NBEAL1: variants seen among roughly 807,000 people sequenced by gnomAD.
NBEAL1 encodes neurobeachin-like protein 1.
Under a neutral mutation model 351.3 loss-of-function variants are expected in NBEAL1, and 273 were observed. The observed-to-expected ratio is 0.78, with a 90% CI of 0.70 to 0.86. The LOEUF (loss-of-function observed/expected upper bound fraction) is 0.86. Ranked by LOEUF, NBEAL1 falls within the 40% of genes least tolerant of loss-of-function variation. NBEAL1 has a pLI of 0.00. For missense variants in NBEAL1, 2,961 were observed against 3,201.3 expected (o/e 0.92, Z 1.81); for synonymous variants, 1,050 against 1,086.4 (o/e 0.97, Z 0.66).
intron 43 of NBEAL1, chr2:203,182,965 G>A: frequency 5.7e-6 from 1 of 175,788 alleles, no homozygotes; most frequent in South Asian, 1.5e-4. Context: ...TAGAGGGACT[G>A]TGTCCCTCTC....
At chr2:203,121,243 T>A (rs963664081) in intron 18 of NBEAL1, among the ~76,000 whole-genome samples, 1 of 152,222 alleles carries the variant, frequency 6.6e-6, no homozygotes, top group Non-Finnish European at 1.5e-5. Context: ...ATCACACGTT[T>A]TATGTGTATC....
chr2:203,112,937 T>C (rs2062605177), intron 16 of NBEAL1, 78 bp from the exon 17 acceptor site: 2 of 1,240,162 alleles, frequency 1.6e-6, no homozygotes, highest in East Asian at 5.5e-5. Flanking sequence ...TTTTATGTAC[T>C]ATTTTATTGT....
intron 36 of NBEAL1, among the ~76,000 whole-genome samples, 160 bp from the exon 37 acceptor site, chr2:203,165,989 T>C (rs1670271904): frequency 6.6e-6 from 1 of 152,048 alleles, no homozygotes; most frequent in South Asian, 2.1e-4. Flanking sequence ...GTTGCAGTGA[T>C]TGAGCCGACA....
chr2:203,036,819 A>G (rs2106031595), intron 2 of NBEAL1, among the ~76,000 whole-genome samples: 1 of 149,416 alleles, frequency 6.7e-6, no homozygotes, highest in African/African-American at 2.4e-5. Context: ...GTTCCTAAAT[A>G]AAATATGCAT....
At chr2:203,105,424 C>T (rs2106225253) in intron 12 of NBEAL1, among the ~76,000 whole-genome samples, 1 of 151,706 alleles carries the variant, frequency 6.6e-6, no homozygotes, top group African/African-American at 2.4e-5. Flanking sequence ...GAGATCGCGC[C>T]ACTGCACTCC....
At position 203,056,519 on chromosome 2, in the gene NBEAL1, A is replaced by ACTAAT; in HGVS notation, c.387+14_387+18dup. 2 of 1,468,462 alleles carry ACTAAT rather than the reference A, an allele frequency of 1.4e-6. No individual in the cohort carries two copies. Among genetic ancestry groups the ACTAAT allele is most frequent in the Non-Finnish European group, 1.9e-6 (2 of 1,070,970 alleles). 91.0% of individuals were successfully genotyped at this position (1,468,462 alleles called of 1,614,324 possible). On this transcript the variant is annotated intron_variant, in intron 5 of 55. Coordinates refer to ENST00000683969, the MANE Select transcript of NBEAL1 (RefSeq NM_001378026.1). ...CTCTATATTCAGCAAGTAGGTGTGA[A>ACTAAT]CTAATCTTTTTTGTCACTTTACTGA...
At chr2:203,110,674 A>T (rs957894731) in intron 15 of NBEAL1, among the ~76,000 whole-genome samples, 1 of 130,880 alleles carries the variant, frequency 7.6e-6, no homozygotes, top group Non-Finnish European at 1.6e-5. Context: ...ATCCTGTCTC[A>T]AAATAAATAA....
At chr2:203,055,192 A>G (rs1042491084) in intron 4 of NBEAL1, among the ~76,000 whole-genome samples, 3 of 152,136 alleles carry the variant, frequency 2.0e-5, no homozygotes, top group African/African-American at 7.2e-5. Context: ...CAGGGAGAGG[A>G]CTGATCTTAG....
At chr2:203,202,398 A>G (rs1235225907) in intron 50 of NBEAL1, among the ~76,000 whole-genome samples, 1 of 152,194 alleles carries the variant, frequency 6.6e-6, no homozygotes. Context: ...CTGGGGATCT[A>G]TCTCAAACTA....
In NBEAL1 at chr2:203,199,438, C is replaced by T. The variant is rs867405895; in HGVS notation, c.7229C>T (p.Thr2410Ile). The T allele has an allele frequency of 2.6e-6, 4 of 1,567,054 alleles. No individual in the cohort carries two copies. Among genetic ancestry groups the T allele is most frequent in the Non-Finnish European group, 3.5e-6 (4 of 1,141,148 alleles). Residue 2410 changes from threonine (T) to isoleucine (I), a missense_variant, in exon 49 of 56, where the codon ACA becomes ATA. By Grantham distance (89) the Thr-to-Ile change is moderately conservative. Transcript: ENST00000683969. ...ACATTCATCAAGGATCAAACTGTGA[C>T]AAATCCAAAGTAAGTAAATGAATAT... The part of the protein sequence containing the change: ...YFTFIKDQTV[T>I]NPKTQRSING...
intron 23 of NBEAL1, among the ~76,000 whole-genome samples, chr2:203,127,350 G>A (rs566832828): frequency 6.6e-5 from 10 of 152,306 alleles, no homozygotes; most frequent in Non-Finnish European, 1.5e-4. Flanking sequence ...AGAAAAGCAA[G>A]CCAAAGTTAC....
chr2:203,108,574 AT>A (rs892722776), intron 14 of NBEAL1, among the ~76,000 whole-genome samples: 10 of 147,150 alleles, frequency 6.8e-5, no homozygotes, highest in South Asian at 6.5e-4. Flanking sequence ...AATTTTTTGT[AT>A]TTTTTTTTTC....
chr2:203,157,461 T>C (rs1162338695), intron 35 of NBEAL1, among the ~76,000 whole-genome samples: 1 of 152,146 alleles, frequency 6.6e-6, no homozygotes, highest in African/African-American at 2.4e-5. Context: ...AATAATACTG[T>C]TATTAAAAAT....
intron 35 of NBEAL1, among the ~76,000 whole-genome samples, chr2:203,155,604 AT>A (rs1030570458): frequency 6.6e-6 from 1 of 151,834 alleles, no homozygotes; most frequent in Non-Finnish European, 1.5e-5. Context: ...CACCCAGCTA[AT>A]TTTTTAATTT....
At chr2:203,156,770 T>C (rs2063807943) in intron 35 of NBEAL1, among the ~76,000 whole-genome samples, 2 of 152,212 alleles carry the variant, frequency 1.3e-5, no homozygotes, top group Non-Finnish European at 1.5e-5. Flanking sequence ...TTTATAGTTA[T>C]TTGCAGTATT....
chr2:203,130,080 T>A (rs1374758018), intron 24 of NBEAL1, among the ~76,000 whole-genome samples: 2 of 152,122 alleles, frequency 1.3e-5, no homozygotes, highest in Non-Finnish European at 2.9e-5. Context: ...GGAGAATCAC[T>A]GAGCCTGGGA....
intron 34 of NBEAL1, 109 bp downstream of exon 34, chr2:203,149,257 A>G (rs2063588554): frequency 1.4e-6 from 1 of 705,790 alleles, no homozygotes; most frequent in Non-Finnish European, 2.2e-6. Flanking sequence ...TTCAATTCAT[A>G]AAAGGGTGCT....
intron 42 of NBEAL1, among the ~76,000 whole-genome samples, chr2:203,177,348 A>C (rs922494712): frequency 6.6e-6 from 1 of 150,812 alleles, no homozygotes; most frequent in African/African-American, 2.4e-5. Flanking sequence ...CAGCCTGGGC[A>C]ACATAGTGAG....
At chr2:203,018,401 G>T (rs141747663) in intron 2 of NBEAL1, among the ~76,000 whole-genome samples, 1 of 151,786 alleles carries the variant, frequency 6.6e-6, no homozygotes, top group East Asian at 1.9e-4. Flanking sequence ...TCGTAGTTTA[G>T]TTTTGGCTCT....
Sources: allele counts gnomAD v4.1 joint callset (sites outside exome capture counted in the v4.1 genomes callset), GRCh38; gene constraint gnomAD v4.1.1; transcripts MANE v1.5; gene names NCBI Gene and HGNC (gene_info 2026-07-23, HGNC 2026-07-21).